Variants in GALNTL6 observed in about 807,000 individuals in gnomAD.
GALNTL6 encodes polypeptide N-acetylgalactosaminyltransferase like 6.
A neutral mutation model predicts 73.7 loss-of-function variants in GALNTL6; 46 were observed. The ratio of observed to expected loss-of-function variants is 0.62; its 90% CI spans 0.49 to 0.80. GALNTL6 has a LOEUF of 0.80. GALNTL6 is among the 30% of genes least tolerant of loss of function. GALNTL6 has a pLI of 0.00. For missense variants in GALNTL6, 604 were observed against 755.0 expected (o/e 0.80, Z 2.34); for synonymous variants, 259 against 263.7 (o/e 0.98, Z 0.17).
chr4:171,846,359 T>C (rs989722392), intron 2 of GALNTL6, among the ~76,000 whole-genome samples: 15 of 152,176 alleles, frequency 9.9e-5, no homozygotes, highest in African/African-American at 3.4e-4. Context: ...AGGGAACTAT[T>C]TCTTATCTTC....
At chr4:172,790,934 C>G (rs1739962554) in intron 5 of GALNTL6, among the ~76,000 whole-genome samples, 1 of 151,412 alleles carries the variant, frequency 6.6e-6, no homozygotes, top group Admixed American at 6.6e-5. Context: ...GTTCTTCCAC[C>G]CGGTCTTAGG....
chr4:172,059,247 A>G (rs187421867), intron 2 of GALNTL6, among the ~76,000 whole-genome samples: 1 of 152,306 alleles, frequency 6.6e-6, no homozygotes, highest in Non-Finnish European at 1.5e-5. Context: ...AATAAGAGGA[A>G]GCAGTTGTAT....
chr4:172,072,219 T>C (rs1731565309), intron 2 of GALNTL6, among the ~76,000 whole-genome samples: 1 of 152,040 alleles, frequency 6.6e-6, no homozygotes, highest in Non-Finnish European at 1.5e-5. Context: ...TGTTTGTATA[T>C]TGTTTCTCAC....
intron 10 of GALNTL6, among the ~76,000 whole-genome samples, chr4:172,998,686 C>T (rs1010820211): frequency 6.6e-6 from 1 of 152,128 alleles, no homozygotes; most frequent in Admixed American, 6.5e-5. Context: ...CCTACTGGAT[C>T]CCTCTATGAA....
chr4:172,540,927 A>G (rs1370581480), intron 5 of GALNTL6, among the ~76,000 whole-genome samples: 1 of 152,198 alleles, frequency 6.6e-6, no homozygotes, highest in Non-Finnish European at 1.5e-5. Flanking sequence ...GAGATTCTCA[A>G]ATAATGTCTC....
chr4:172,927,574 T>C (rs1196656140), intron 8 of GALNTL6, among the ~76,000 whole-genome samples: 1 of 152,064 alleles, frequency 6.6e-6, no homozygotes, highest in Non-Finnish European at 1.5e-5. Flanking sequence ...TGCTCTGTGA[T>C]ATATGGAGTC....
At chr4:172,839,940 T>A (rs1743114985) in intron 7 of GALNTL6, among the ~76,000 whole-genome samples, 1 of 152,212 alleles carries the variant, frequency 6.6e-6, no homozygotes, top group Non-Finnish European at 1.5e-5. Context: ...AAATACATAA[T>A]GTTGACAGTC....
At chr4:172,092,885 T>C (rs1732245182) in intron 2 of GALNTL6, among the ~76,000 whole-genome samples, 1 of 149,352 alleles carries the variant, frequency 6.7e-6, no homozygotes, top group Non-Finnish European at 1.5e-5. Flanking sequence ...CTTTTTTTTT[T>C]TTTTTTTGAG....
intron 5 of GALNTL6, among the ~76,000 whole-genome samples, chr4:172,744,853 G>GTGTGTA (rs1274869558): frequency 1.1e-4 from 16 of 151,494 alleles, no homozygotes; most frequent in African/African-American, 3.9e-4. Context: ...GTGTGTGTGT[G>GTGTGTA]TGTGTGTGTG....
intron 2 of GALNTL6, among the ~76,000 whole-genome samples, chr4:172,208,634 T>C (rs1054010426): frequency 1.3e-5 from 2 of 152,102 alleles, no homozygotes; most frequent in Non-Finnish European, 2.9e-5. Context: ...CAAAACAGAA[T>C]TATATATTTA....
intron 5 of GALNTL6, among the ~76,000 whole-genome samples, chr4:172,457,811 A>C (rs535011898): frequency 5.9e-4 from 90 of 152,328 alleles, no homozygotes; most frequent in African/African-American, 1.8e-3. Flanking sequence ...ACGAGACAGA[A>C]AATTAACAAG....
intron 5 of GALNTL6, among the ~76,000 whole-genome samples, chr4:172,520,716 G>A (rs1579148821): frequency 6.6e-6 from 1 of 151,666 alleles, no homozygotes; most frequent in East Asian, 1.9e-4. Context: ...CAAGTATTTT[G>A]GTGGCTAAAT....
At chr4:172,763,826 A>G (rs1002186455) in intron 5 of GALNTL6, among the ~76,000 whole-genome samples, 6 of 152,248 alleles carry the variant, frequency 3.9e-5, no homozygotes, top group African/African-American at 1.4e-4. Flanking sequence ...AAGAATCGTG[A>G]TCAATACTTC....
intron 5 of GALNTL6, among the ~76,000 whole-genome samples, chr4:172,470,362 A>G (rs1426393252): frequency 6.6e-6 from 1 of 152,196 alleles, no homozygotes; most frequent in Non-Finnish European, 1.5e-5. Flanking sequence ...GGTAGTGAAT[A>G]ATTAACTGAA....
At chr4:172,533,018 T>TG (rs1339019298) in intron 5 of GALNTL6, among the ~76,000 whole-genome samples, 1 of 151,540 alleles carries the variant, frequency 6.6e-6, no homozygotes, top group African/African-American at 2.4e-5. Context: ...TGTAGAATTT[T>TG]TTTTTTTTTT....
At chr4:172,281,947 GC>G (rs1238440662) in intron 3 of GALNTL6, among the ~76,000 whole-genome samples, 1 of 151,506 alleles carries the variant, frequency 6.6e-6, no homozygotes, top group African/African-American at 2.4e-5. Flanking sequence ...CATTATTGTG[GC>G]CTTAATTGAC....
At chr4:172,883,612 ACACCTCC>A (rs1328926193) in intron 8 of GALNTL6, among the ~76,000 whole-genome samples, 1 of 152,122 alleles carries the variant, frequency 6.6e-6, no homozygotes, top group Non-Finnish European at 1.5e-5. Context: ...CATGATCCAA[ACACCTCC>A]CACCAGGCCT....
rs554871703 is a variant in GALNTL6 at position 172,881,035 on chromosome 4, C to G, written c.924-1755C>G. 2.0e-5 allele frequency among the ~76,000 whole-genome samples: 3 copies of G among 152,280 alleles called. No homozygotes were observed. The South Asian group carries it at 6.2e-4, about 32-fold the overall frequency. Reference sequence around the variant, plus strand: ...GTGTAAGTTTTGGTGCCCTTTGTCTCATGTTTTACACAATCAAATGAGAAT... The same window carrying G: ...GTGTAAGTTTTGGTGCCCTTTGTCTGATGTTTTACACAATCAAATGAGAAT... On this transcript the variant is annotated intron_variant, in intron 7 of 12. Coordinates refer to ENST00000506823, the MANE Select transcript of GALNTL6 (RefSeq NM_001034845.3).
At chr4:172,992,435 T>C (rs904810369) in intron 10 of GALNTL6, among the ~76,000 whole-genome samples, 3 of 152,244 alleles carry the variant, frequency 2.0e-5, no homozygotes, top group Non-Finnish European at 2.9e-5. Flanking sequence ...TAAAACTGTC[T>C]TTATTTTTCA....
Sources: gnomAD v4.1 joint callset for allele counts (sites outside exome capture counted in the v4.1 genomes callset) on GRCh38, gnomAD v4.1.1 for gene constraint, MANE v1.5 for transcripts, NCBI Gene and HGNC (gene_info 2026-07-23, HGNC 2026-07-21) for gene names.